Variants in ARHGEF6 observed in about 807,000 individuals in gnomAD.
ARHGEF6 encodes the protein rho guanine nucleotide exchange factor 6.
ARHGEF6 carries 9 observed loss-of-function variants against 70.3 expected under a neutral mutation model. The ratio of observed to expected loss-of-function variants is 0.13; its 90% CI spans 0.08 to 0.22. ARHGEF6 has a LOEUF of 0.22. ARHGEF6 is among the 10% of genes least tolerant of loss of function. The pLI is 1.00. For synonymous variants in ARHGEF6, 201 were observed against 207.8 expected (o/e 0.97, Z 0.28); for missense variants, 470 against 563.0 (o/e 0.83, Z 1.67).
At chrX:136,780,592 C>A in intron 1 of ARHGEF6, 126 bp downstream of exon 1, 1 of 674,041 alleles carries the variant, frequency 1.5e-6, no homozygotes, top group Non-Finnish European at 2.4e-6. Context: ...GAAAGAATGT[C>A]TAACTCTTAG....
intron 12 of ARHGEF6, among the ~76,000 whole-genome samples, chrX:136,683,750 C>CT (rs2076357341): frequency 9.0e-6 from 1 of 111,542 alleles, no homozygotes; most frequent in African/African-American, 3.3e-5. Context: ...TACAATTATC[C>CT]TTATGCCTGT....
In ARHGEF6 at chrX:136,679,597, T is replaced by G. The variant is rs938254089; in HGVS notation, c.1768A>C (p.Ser590Arg). 7.4e-6 allele frequency: 9 copies of G among 1,209,574 alleles called. No individual in the cohort carries two copies. Among genetic ancestry groups the G allele is most frequent in the Non-Finnish European group, 1.0e-5 (9 of 894,720 alleles). Residue 590 changes from serine (S) to arginine (R), a missense_variant, in exon 16 of 22, where the codon AGT becomes CGT. Transcript: ENST00000250617. ...LEPPQIIKPW[S>R]LSCLRPAPPL... is the part of the protein sequence containing the mutation. The stretch of plus-strand genomic sequence containing the variant: ...GGTGCAGGTCGTAGACAACTTAAAC[T>G]CCACGGTTTTATAATTTGAGGAGGC...
chrX:136,690,746 T>C lies in ARHGEF6; in HGVS notation c.1049A>G (p.Asp350Gly). Residue 350 changes from aspartate (D) to glycine (G), a missense_variant and splice_region_variant, in exon 10 of 22, where the codon GAT becomes GGT. Transcript: ENST00000250617. ...SAVNVLTQHSDELEQFMENQG... is the reference protein window; with the variant it reads ...SAVNVLTQHSGELEQFMENQG... Reference sequence around the variant, plus strand: ...ATTTTCCATGAATTGTTCCAACTCATCACTAGCAAAAGAACAAATATAATT... The same window carrying C: ...ATTTTCCATGAATTGTTCCAACTCACCACTAGCAAAAGAACAAATATAATT... The C allele has an allele frequency of 8.3e-7, 1 of 1,209,730 alleles. No individual in the cohort carries two copies. Among genetic ancestry groups the C allele is most frequent in the Non-Finnish European group, 1.1e-6 (1 of 893,594 alleles).
chrX:136,672,143 G>C, intron 19 of ARHGEF6, 24 bp from the exon 20 acceptor site: 2 of 1,088,993 alleles, frequency 1.8e-6, no homozygotes, highest in Non-Finnish European at 2.6e-6. Context: ...TTGCAAGATG[G>C]GGGAGGAGGG....
At chrX:136,693,657 T>C (rs776766481) in intron 9 of ARHGEF6, among the ~76,000 whole-genome samples, 1 of 112,171 alleles carries the variant, frequency 8.9e-6, no homozygotes, top group Non-Finnish European at 1.9e-5. Flanking sequence ...GAATGCATGG[T>C]GGATGGGGCT....
intron 2 of ARHGEF6, among the ~76,000 whole-genome samples, chrX:136,764,478 A>T (rs191064195): frequency 8.9e-6 from 1 of 112,297 alleles, no homozygotes; most frequent in Non-Finnish European, 1.9e-5. Flanking sequence ...CTGCAACAAC[A>T]CGGGTGACTT....
chrX:136,764,176 A>G (rs2077290783), intron 2 of ARHGEF6, among the ~76,000 whole-genome samples: 1 of 111,232 alleles, frequency 9.0e-6, no homozygotes, highest in Admixed American at 9.6e-5. Context: ...TTCAAAAAAA[A>G]AAAAATCACA....
At chrX:136,671,542 G>A (rs973632656) in intron 20 of ARHGEF6, among the ~76,000 whole-genome samples, 2 of 112,367 alleles carry the variant, frequency 1.8e-5, no homozygotes, top group Admixed American at 1.9e-4. Context: ...CTGTACCTCA[G>A]TTTCTTTATC....
In ARHGEF6 at chrX:136,680,769, A is replaced by C. The variant is rs760939784; in HGVS notation, c.1666T>G (p.Leu556Val). ...LIRGPASCSS[L>V]SKTSSSSCSA... ...CATGATGACGATGAGGTTTTGGATA[A>C]TGAACTGCAAGAGGCAGGTCCTCTG... is the stretch of plus-strand genomic sequence containing the variant. Residue 556 changes from leucine to valine, a missense_variant, in exon 15 of 22, where the codon TTA (leucine) becomes GTA (valine). Around this residue, in one of 3 missense-constraint regions of ARHGEF6, gnomAD observed 379 missense variants for 449.3 expected, o/e 0.84. Coordinates refer to ENST00000250617, the MANE Select transcript of ARHGEF6 (RefSeq NM_004840.3). 1 of 1,211,695 alleles carries C rather than the reference A, an allele frequency of 8.3e-7. No individual in the cohort carries two copies. Among genetic ancestry groups the C allele is most frequent in the South Asian group, 1.8e-5 (1 of 56,977 alleles).
At chrX:136,770,356 C>A (rs1247415419) in intron 2 of ARHGEF6, among the ~76,000 whole-genome samples, 1 of 112,256 alleles carries the variant, frequency 8.9e-6, no homozygotes, top group African/African-American at 3.2e-5. Context: ...AAATCCAACT[C>A]TTTTCATGAT....
At chrX:136,726,920 G>C (rs960494983) in intron 6 of ARHGEF6, among the ~76,000 whole-genome samples, 2 of 112,582 alleles carry the variant, frequency 1.8e-5, no homozygotes, top group Non-Finnish European at 3.7e-5. Context: ...AGTGAATAAA[G>C]AATTTCATCT....
chrX:136,673,042 C>T (rs2076241334), intron 19 of ARHGEF6, among the ~76,000 whole-genome samples: 2 of 112,214 alleles, frequency 1.8e-5, no homozygotes, highest in African/African-American at 3.2e-5. Flanking sequence ...TTCAACCAAC[C>T]GTGCATTGAA....
chrX:136,749,307 A>C (rs2077127923), intron 2 of ARHGEF6, among the ~76,000 whole-genome samples: 1 of 111,398 alleles, frequency 9.0e-6, no homozygotes, highest in African/African-American at 3.3e-5. Flanking sequence ...AACTGGGAAA[A>C]TGTTAATGAC....
At chrX:136,702,060 G>T (rs1437039650) in intron 9 of ARHGEF6, among the ~76,000 whole-genome samples, 1 of 111,369 alleles carries the variant, frequency 9.0e-6, no homozygotes, top group Non-Finnish European at 1.9e-5. Context: ...AGTAATAATA[G>T]CAACAGTGTA....
chrX:136,752,383 G>A (rs1427255288), intron 2 of ARHGEF6, among the ~76,000 whole-genome samples: 2 of 111,779 alleles, frequency 1.8e-5, no homozygotes, highest in Admixed American at 9.5e-5. Context: ...GGTCTGCCTC[G>A]TGAGCCACGA....
chrX:136,667,527 G>C lies in ARHGEF6; in HGVS notation c.*502C>G, dbSNP rs142143596. 1 of 122,897 alleles carries C rather than the reference G, an allele frequency of 8.1e-6. No individual in the cohort carries two copies. Among genetic ancestry groups the C allele is most frequent in the Admixed American group, 8.2e-5 (1 of 12,136 alleles). The allele number at this position is 122,897 out of a possible 1,213,427, so 10.1% of individuals were successfully genotyped here. ...GCCATAGTCTGGAAGATTTGCCTTC[G>C]GTAAATTAAGTACTAAGAGGCTTGC... On this transcript the variant is annotated 3_prime_UTR_variant, in exon 22 of 22. Transcript: ENST00000250617.
intron 15 of ARHGEF6, 62 bp from the exon 16 acceptor site, chrX:136,679,722 A>C: frequency 8.5e-7 from 1 of 1,181,742 alleles, no homozygotes; most frequent in Non-Finnish European, 1.2e-6. Context: ...TGTGCCACAC[A>C]GTGAGAGAAC....
rs762297799 is a variant in ARHGEF6, at chrX:136,680,707, G to A, written c.1704+24C>T. On this transcript the variant is annotated intron_variant, in intron 15 of 21. Transcript: ENST00000250617. ...GTTGACGAAAGACTCAATAATCTCT[G>A]GACAGAACACATGGACTACTTACAG... 5.0e-6 allele frequency: 6 copies of A among 1,207,852 alleles called. No individual in the cohort carries two copies. In the South Asian group the frequency reaches 1.1e-4, roughly 21 times the overall value.
At position 136,780,733 on chromosome X, in the gene ARHGEF6, A is replaced by C. The variant is rs1603359232; in HGVS notation, c.150T>G (p.Pro50=). The C allele has an allele frequency of 1.7e-6, 2 of 1,209,559 alleles. No homozygotes were observed. Among genetic ancestry groups the C allele is most frequent in the Admixed American group, 4.4e-5 (2 of 45,690 alleles). ...VLCKLINRLM[P]GSVEKFCLDP... ...TTTCCCTTACCTTTTCCACAGAGCC[A>C]GGCATGAGTCTGTTGATCAGTTTGC... Residue 50 remains proline, a synonymous_variant, in exon 1 of 22, where the codon CCT becomes CCG. Coordinates refer to ENST00000250617, the MANE Select transcript of ARHGEF6 (RefSeq NM_004840.3).
Sources: allele counts gnomAD v4.1 joint callset (sites outside exome capture counted in the v4.1 genomes callset), GRCh38; gene constraint gnomAD v4.1.1; regional missense constraint gnomAD v4.1.1; transcripts MANE v1.5; gene names NCBI Gene and HGNC (gene_info 2026-07-23, HGNC 2026-07-21).